Variants in FAM193A observed in about 807,000 individuals in gnomAD.
FAM193A encodes the protein protein FAM193A.
In FAM193A, 22 loss-of-function variants were observed where a neutral mutation model predicts 126.5. The observed-to-expected ratio is 0.17, with a 90% confidence interval of 0.12 to 0.25. The LOEUF (loss-of-function observed/expected upper bound fraction) is 0.25. Ranked by LOEUF, FAM193A falls within the 10% of genes least tolerant of loss-of-function variation. FAM193A has a pLI of 1.00. For synonymous variants in FAM193A, 761 were observed against 646.8 expected, an observed-to-expected ratio of 1.18 and a Z score of -2.68; for missense variants, 1,675 against 1,672.8, an observed-to-expected ratio of 1.00 and a Z score of -0.02.
rs1251045377 is a variant in FAM193A at position 2,732,029 on chromosome 4, C to T, written c.*161C>T. 35 of 663,032 alleles carry T rather than the reference C, an allele frequency of 5.3e-5. No homozygotes were observed. The East Asian group carries it at 7.1e-4, about 13-fold the overall frequency. The allele number at this position is 663,032 out of a possible 1,614,324, so 41.1% of individuals were successfully genotyped here. A position where few individuals can be genotyped will look rare whatever the true frequency, so the allele number is the denominator to read the frequency against. ...GACCGAGAAGTTGATGCTCGGCCCA[C>T]GCCGTTAGCTCGTGTGCGTGTAGTC... On this transcript the variant is annotated 3_prime_UTR_variant, in exon 21 of 21. Transcript: ENST00000637812.
chr4:2,637,861 A>G (rs1477777317), intron 5 of FAM193A, among the ~76,000 whole-genome samples: 1 of 152,242 alleles, frequency 6.6e-6, no homozygotes, highest in Non-Finnish European at 1.5e-5. Flanking sequence ...CTCAGGTGTT[A>G]ACATGTGTTC....
chr4:2,682,272 CCTT>C (rs1488734451), intron 13 of FAM193A, among the ~76,000 whole-genome samples: 5 of 152,230 alleles, frequency 3.3e-5, no homozygotes, highest in East Asian at 1.9e-4. Flanking sequence ...GCGCGAGCCA[CCTT>C]CTCAGGGTTT....
chr4:2,632,295 G>A (rs1423192869), intron 5 of FAM193A, among the ~76,000 whole-genome samples: 1 of 152,168 alleles, frequency 6.6e-6, no homozygotes, highest in African/African-American at 2.4e-5. Flanking sequence ...CCCGGGTGTG[G>A]TGGCTCATAC....
intron 7 of FAM193A, chr4:2,655,227 C>A: frequency 4.0e-6 from 2 of 497,534 alleles, no homozygotes; most frequent in South Asian, 3.6e-5. Context: ...TTGATTTAGG[C>A]TATCATTTAA....
At chr4:2,553,384 T>C (rs1177641889) in intron 1 of FAM193A, among the ~76,000 whole-genome samples, 1 of 14,762 alleles carries the variant, frequency 6.8e-5, no homozygotes, top group Non-Finnish European at 1.6e-4. Context: ...TTCTTTTTGT[T>C]TTTTTTTTTT....
chr4:2,635,817 C>T (rs533749894), intron 5 of FAM193A, among the ~76,000 whole-genome samples: 20 of 152,274 alleles, frequency 1.3e-4, no homozygotes, highest in Non-Finnish European at 2.4e-4. Context: ...GGATTATGGG[C>T]GTGAGCCAGC....
intron 1 of FAM193A, among the ~76,000 whole-genome samples, chr4:2,568,190 A>T (rs1739081669): frequency 6.6e-6 from 1 of 152,208 alleles, no homozygotes; most frequent in African/African-American, 2.4e-5. Context: ...TGGATATTTT[A>T]AAAAATATGA....
chr4:2,660,673 C>T (rs1335118305), intron 10 of FAM193A, among the ~76,000 whole-genome samples: 1 of 152,252 alleles, frequency 6.6e-6, no homozygotes, highest in African/African-American at 2.4e-5. Flanking sequence ...AGCACACAGG[C>T]ATCATGTTCC....
chr4:2,661,708 C>G (rs778627052), intron 10 of FAM193A, among the ~76,000 whole-genome samples: 1 of 152,152 alleles, frequency 6.6e-6, no homozygotes, highest in Non-Finnish European at 1.5e-5. Flanking sequence ...GAGATCACGA[C>G]GAGTTCCTAG....
At chr4:2,696,202 A>T (rs758076445) in intron 17 of FAM193A, 161 bp from the exon 18 acceptor site, 96 of 583,336 alleles carry the variant, frequency 1.6e-4, no homozygotes, top group Non-Finnish European at 2.6e-4. Context: ...TGACTTGCTG[A>T]TAGGTTTTTC....
chr4:2,659,934 T>G lies in FAM193A; in HGVS notation c.1625T>G (p.Leu542Arg). 6.2e-7 allele frequency: 1 copy of G among 1,614,192 alleles called. No homozygotes were observed. The highest frequency in any genetic ancestry group is 8.5e-7 in the Non-Finnish European group (1 of 1,180,046). The change falls in exon 10 of 21, where the codon CTT (leucine) becomes CGT (arginine). Residue 542 changes from leucine (L) to arginine (R), a missense_variant. Transcript: ENST00000637812. ...CAAGTGGATCCTGCTCCTGACTATC[T>G]TGCTGAGAGGAGCCCGCCCAGTGTG... is the stretch of plus-strand genomic sequence containing the variant. ...PLQVDPAPDY[L>R]AERSPPSVSS...
chr4:2,569,677 T>A (rs993663923), intron 1 of FAM193A, among the ~76,000 whole-genome samples: 1 of 151,932 alleles, frequency 6.6e-6, no homozygotes, highest in Non-Finnish European at 1.5e-5. Flanking sequence ...TTTAAAACTT[T>A]AAAAAATTTT....
intron 2 of FAM193A, among the ~76,000 whole-genome samples, chr4:2,603,601 T>C (rs1211029971): frequency 2.0e-5 from 3 of 148,850 alleles, no homozygotes; most frequent in African/African-American, 7.4e-5. Flanking sequence ...GGACTACGGG[T>C]GCATGCCACC....
intron 19 of FAM193A, among the ~76,000 whole-genome samples, chr4:2,710,686 G>A (rs186537829): frequency 6.6e-6 from 1 of 151,498 alleles, no homozygotes; most frequent in Non-Finnish European, 1.5e-5. Flanking sequence ...TGTAGTTTTT[G>A]TAGGAACAGC....
intron 11 of FAM193A, 45 bp from the exon 12 acceptor site, chr4:2,663,064 T>G: frequency 6.3e-7 from 1 of 1,599,644 alleles, no homozygotes; most frequent in South Asian, 1.1e-5. Context: ...TATTTTATAT[T>G]ACTCTGTTTT....
In FAM193A at chr4:2,693,783, C is replaced by T. The variant is rs754694259; in HGVS notation, c.3001C>T (p.Pro1001Ser). The change falls in exon 16 of 21, where the codon CCT becomes TCT. Residue 1001 changes from proline to serine, a missense_variant. This residue lies in a region of FAM193A where 1,186 missense variants were observed against 1,109.2 expected (regional missense o/e 1.07). Transcript: ENST00000637812. ...ATTCCCCAAAACAGCAACCACAACTCCTGGGTTTGTGGACACACGCAAGAG... is the reference window on the plus strand; with the variant it reads ...ATTCCCCAAAACAGCAACCACAACTTCTGGGTTTGTGGACACACGCAAGAG... ...PSFPKTATTT[P>S]GFVDTRKSFC... is the part of the protein sequence containing the mutation. 25 of 1,614,120 alleles carry T rather than the reference C, an allele frequency of 1.5e-5. No individual in the cohort carries two copies. The highest frequency in any genetic ancestry group is 1.8e-5 in the Non-Finnish European group (21 of 1,180,042).
chr4:2,575,129 G>A (rs887716329), intron 1 of FAM193A, among the ~76,000 whole-genome samples: 4 of 152,138 alleles, frequency 2.6e-5, no homozygotes, highest in African/African-American at 9.7e-5. Context: ...GCAGCAGAGT[G>A]CACAGCAAGC....
At chr4:2,572,345 G>A (rs1577023581) in intron 1 of FAM193A, among the ~76,000 whole-genome samples, 1 of 136,412 alleles carries the variant, frequency 7.3e-6, no homozygotes, top group Admixed American at 7.1e-5. Flanking sequence ...AAAAAAAAAA[G>A]TCCAAGGTAA....
intron 19 of FAM193A, among the ~76,000 whole-genome samples, chr4:2,706,318 C>CA (rs1307367697): frequency 1.1e-5 from 1 of 94,256 alleles, no homozygotes; most frequent in Non-Finnish European, 2.0e-5. Context: ...TTTTTTGAGA[C>CA]AGAGTTTCAC....
Sources: gnomAD v4.1 joint callset for allele counts (sites outside exome capture counted in the v4.1 genomes callset) on GRCh38, gnomAD v4.1.1 for gene constraint, gnomAD v4.1.1 regional missense constraint, MANE v1.5 for transcripts, NCBI Gene and HGNC (gene_info 2026-07-23, HGNC 2026-07-21) for gene names.